Variants in GALNTL6 observed in about 807,000 individuals in gnomAD.
GALNTL6 encodes the protein polypeptide N-acetylgalactosaminyltransferase like 6, also known as polypeptide N-acetylgalactosaminyltransferase-like 6.
Under a neutral mutation model 73.7 loss-of-function variants are expected in GALNTL6, and 46 were observed. That is an observed-to-expected ratio of 0.62 (90% CI 0.49 to 0.80). GALNTL6 has a LOEUF of 0.80. Ranked by LOEUF, GALNTL6 falls within the 30% of genes least tolerant of loss-of-function variation. GALNTL6 has a pLI of 0.00. For missense variants in GALNTL6, 604 were observed against 755.0 expected, an observed-to-expected ratio of 0.80 and a Z score of 2.34; for synonymous variants, 259 against 263.7, an observed-to-expected ratio of 0.98 and a Z score of 0.17.
chr4:172,949,370 G>A (rs1749327888), intron 9 of GALNTL6, among the ~76,000 whole-genome samples: 2 of 152,046 alleles, frequency 1.3e-5, no homozygotes, highest in South Asian at 4.1e-4. Flanking sequence ...GAATTTTAAA[G>A]GTATATTTTT....
intron 3 of GALNTL6, among the ~76,000 whole-genome samples, chr4:172,233,879 A>T (rs1467362722): frequency 4.6e-5 from 7 of 152,064 alleles, no homozygotes; most frequent in African/African-American, 1.7e-4. Flanking sequence ...ATATTTTCCA[A>T]TATAGAATAA....
intron 5 of GALNTL6, among the ~76,000 whole-genome samples, chr4:172,451,421 A>G (rs998639757): frequency 4.6e-5 from 7 of 152,162 alleles, no homozygotes; most frequent in Admixed American, 3.3e-4. Context: ...AACCACAAAG[A>G]CCCATTTAAC....
At chr4:172,457,474 C>T (rs13142881) in intron 5 of GALNTL6, among the ~76,000 whole-genome samples, 1,816 of 152,186 alleles carry the variant, frequency 0.012, 12 homozygotes, top group Non-Finnish European at 0.021. Context: ...GCCTATCTCA[C>T]GTGCAAAGAC....
At chr4:172,479,170 C>T (rs923067054) in intron 5 of GALNTL6, among the ~76,000 whole-genome samples, 2 of 152,044 alleles carry the variant, frequency 1.3e-5, no homozygotes, top group African/African-American at 2.4e-5. Flanking sequence ...TAAGTATCTA[C>T]CCAGAAGAAA....
chr4:172,056,149 GA>G (rs1299818347), intron 2 of GALNTL6, among the ~76,000 whole-genome samples: 2 of 151,938 alleles, frequency 1.3e-5, no homozygotes, highest in Non-Finnish European at 2.9e-5. Flanking sequence ...GACACTTAAC[GA>G]AAAAAATGCT....
At chr4:172,028,271 G>A (rs1741653236) in intron 2 of GALNTL6, among the ~76,000 whole-genome samples, 1 of 151,270 alleles carries the variant, frequency 6.6e-6, no homozygotes. Flanking sequence ...GCAATTTATT[G>A]TGGTAGTGCG....
chr4:172,895,384 T>TTA (rs200533676), intron 8 of GALNTL6, among the ~76,000 whole-genome samples: 222 of 117,994 alleles, frequency 1.9e-3, no homozygotes, highest in Non-Finnish European at 2.7e-3. Flanking sequence ...AGTGTTTTTG[T>TTA]TATATATATA....
intron 5 of GALNTL6, among the ~76,000 whole-genome samples, chr4:172,799,379 C>T (rs770993260): frequency 1.3e-5 from 2 of 152,104 alleles, no homozygotes; most frequent in African/African-American, 2.4e-5. Flanking sequence ...ACTTTGGTCC[C>T]GACACTTTGA....
At chr4:171,861,084 A>T (rs1735818888) in intron 2 of GALNTL6, among the ~76,000 whole-genome samples, 1 of 152,168 alleles carries the variant, frequency 6.6e-6, no homozygotes, top group South Asian at 2.1e-4. Flanking sequence ...ATCGTATTGT[A>T]CAAATTCCAC....
At chr4:172,123,903 G>T (rs1405113834) in intron 2 of GALNTL6, among the ~76,000 whole-genome samples, 1 of 152,104 alleles carries the variant, frequency 6.6e-6, no homozygotes, top group Non-Finnish European at 1.5e-5. Flanking sequence ...CATCATTTCA[G>T]AAATTTTTAG....
intron 4 of GALNTL6, among the ~76,000 whole-genome samples, chr4:172,334,306 T>C (rs1741234139): frequency 6.6e-6 from 1 of 152,216 alleles, no homozygotes; most frequent in Admixed American, 6.5e-5. Flanking sequence ...GGCATTTTGA[T>C]AGGGATTGTG....
intron 2 of GALNTL6, among the ~76,000 whole-genome samples, chr4:172,113,097 C>T (rs999350034): frequency 2.0e-5 from 3 of 151,122 alleles, no homozygotes; most frequent in African/African-American, 7.3e-5. Flanking sequence ...TGTTAAGGGT[C>T]TTAGCATTTT....
chr4:172,480,035 C>T (rs181603980), intron 5 of GALNTL6, among the ~76,000 whole-genome samples: 1 of 152,252 alleles, frequency 6.6e-6, no homozygotes, highest in East Asian at 1.9e-4. Flanking sequence ...AATCATCACT[C>T]GTGGCCAGGC....
intron 10 of GALNTL6, among the ~76,000 whole-genome samples, chr4:172,952,934 T>A (rs111490538): frequency 6.6e-6 from 1 of 152,248 alleles, no homozygotes; most frequent in Non-Finnish European, 1.5e-5. Flanking sequence ...GCACCTGATA[T>A]ACGTGATAAA....
intron 2 of GALNTL6, among the ~76,000 whole-genome samples, chr4:172,227,529 A>G (rs1736909979): frequency 6.6e-6 from 1 of 152,132 alleles, no homozygotes; most frequent in African/African-American, 2.4e-5. Flanking sequence ...CCCTTATTAA[A>G]AATGGTCAAT....
intron 2 of GALNTL6, among the ~76,000 whole-genome samples, chr4:172,166,233 T>A (rs1432087356): frequency 6.6e-6 from 1 of 151,872 alleles, no homozygotes; most frequent in African/African-American, 2.4e-5. Flanking sequence ...CTGAGGCAGG[T>A]GGATCACGAG....
chr4:171,996,972 A>C (rs2110750117), intron 2 of GALNTL6, among the ~76,000 whole-genome samples: 1 of 152,242 alleles, frequency 6.6e-6, no homozygotes, highest in Admixed American at 6.6e-5. Context: ...CATAACAAAC[A>C]ACATTCTTTG....
At chr4:172,112,354 T>A (rs1732876307) in intron 2 of GALNTL6, among the ~76,000 whole-genome samples, 1 of 152,100 alleles carries the variant, frequency 6.6e-6, no homozygotes, top group Admixed American at 6.6e-5. Context: ...CTGCTATAAA[T>A]GTCCATGTGT....
intron 2 of GALNTL6, among the ~76,000 whole-genome samples, chr4:172,165,142 C>T (rs908459464): frequency 2.0e-5 from 3 of 152,198 alleles, no homozygotes; most frequent in Admixed American, 6.5e-5. Context: ...ATTATCTCTT[C>T]ATTGATTGTG....
Sources: allele counts gnomAD v4.1 joint callset (sites outside exome capture counted in the v4.1 genomes callset), GRCh38; gene constraint gnomAD v4.1.1; transcripts MANE v1.5; gene names NCBI Gene and HGNC (gene_info 2026-07-23, HGNC 2026-07-21).